NRXN3: variants seen among roughly 807,000 people sequenced by gnomAD.
NRXN3 encodes the protein neurexin III.
In NRXN3, 32 loss-of-function variants were observed where a neutral mutation model predicts 137.6. The ratio of observed to expected loss-of-function variants is 0.23; its 90% confidence interval spans 0.18 to 0.31. The LOEUF is 0.31. Among genes scored for constraint, NRXN3 ranks in the 10% least tolerant of loss-of-function variants. The pLI is 1.00. For synonymous variants in NRXN3, 798 were observed against 784.5 expected (o/e 1.02, Z -0.29); for missense variants, 1,574 against 2,062.5 (o/e 0.76, Z 4.59).
intron 15 of NRXN3, among the ~76,000 whole-genome samples, chr14:79,392,969 C>CAAAAA (rs3036678): frequency 1.8e-4 from 11 of 60,676 alleles, no homozygotes; most frequent in African/African-American, 6.5e-4. Flanking sequence ...GGCTCCATCT[C>CAAAAA]AAAAAAAAAA....
chr14:79,100,693 A>G (rs1463201424), intron 15 of NRXN3, among the ~76,000 whole-genome samples: 1 of 152,184 alleles, frequency 6.6e-6, no homozygotes, highest in Non-Finnish European at 1.5e-5. Context: ...AGGGCACCCC[A>G]TGGGACTTGA....
chr14:79,446,791 A>AT (rs1327670857), intron 15 of NRXN3, among the ~76,000 whole-genome samples: 2 of 152,132 alleles, frequency 1.3e-5, no homozygotes, highest in Non-Finnish European at 2.9e-5. Flanking sequence ...GCAGTGGACA[A>AT]TTTTTTTGTT....
intron 4 of NRXN3, among the ~76,000 whole-genome samples, chr14:78,562,441 G>C (rs1264033000): frequency 3.4e-5 from 5 of 148,848 alleles, no homozygotes; most frequent in African/African-American, 5.0e-5. Context: ...CAGTGAGGCA[G>C]CTCTGGAAAT....
intron 4 of NRXN3, among the ~76,000 whole-genome samples, chr14:78,319,751 C>T (rs532156752): frequency 2.6e-5 from 4 of 152,294 alleles, no homozygotes; most frequent in South Asian, 4.1e-4. Context: ...TCTGCAAATG[C>T]AATGTTGGTC....
At chr14:78,722,064 A>T (rs541367766) in intron 8 of NRXN3, among the ~76,000 whole-genome samples, 1 of 152,088 alleles carries the variant, frequency 6.6e-6, no homozygotes, top group Non-Finnish European at 1.5e-5. Context: ...TGAGAGTCTG[A>T]GCTACCTCTG....
intron 15 of NRXN3, among the ~76,000 whole-genome samples, chr14:78,992,217 C>A (rs2099520391): frequency 6.6e-6 from 1 of 152,096 alleles, no homozygotes; most frequent in Admixed American, 6.5e-5. Context: ...CTAATCATCC[C>A]AGAAGAAATG....
chr14:79,005,956 G>T (rs1177291786), intron 15 of NRXN3, among the ~76,000 whole-genome samples: 1 of 151,896 alleles, frequency 6.6e-6, no homozygotes, highest in African/African-American at 2.4e-5. Flanking sequence ...CTGGCTCATT[G>T]TCAACTGTGA....
At chr14:79,229,758 GTC>G (rs2071781149) in intron 15 of NRXN3, among the ~76,000 whole-genome samples, 1 of 152,080 alleles carries the variant, frequency 6.6e-6, no homozygotes, top group South Asian at 2.1e-4. Flanking sequence ...GTCCTCGTGC[GTC>G]TCTGTCTTTT....
intron 6 of NRXN3, among the ~76,000 whole-genome samples, chr14:78,708,941 T>G (rs2098383214): frequency 1.3e-5 from 2 of 152,244 alleles, no homozygotes. Context: ...GATTTTTATT[T>G]GCAAGCTTAT....
chr14:78,916,297 T>G (rs1028034162), intron 10 of NRXN3, among the ~76,000 whole-genome samples: 1 of 152,200 alleles, frequency 6.6e-6, no homozygotes, highest in Non-Finnish European at 1.5e-5. Flanking sequence ...TAATTTATGG[T>G]GCAAACTGGG....
intron 4 of NRXN3, among the ~76,000 whole-genome samples, chr14:78,566,307 G>A (rs1023785285): frequency 2.0e-5 from 3 of 152,038 alleles, no homozygotes; most frequent in Non-Finnish European, 2.9e-5. Context: ...TGTAAATGTC[G>A]CTCCTGCTGA....
chr14:79,122,246 G>A (rs1568349638), intron 15 of NRXN3, among the ~76,000 whole-genome samples: 1 of 152,154 alleles, frequency 6.6e-6, no homozygotes, highest in Non-Finnish European at 1.5e-5. Context: ...ACAGATTAAT[G>A]AGCAGCAAAC....
rs111293213 is a variant in NRXN3 at position 78,172,563 on chromosome 14, T to TTTTTG, written c.-704+1892_-704+1896dup. Among the ~76,000 whole-genome samples, 1,358 of 152,184 alleles carry TTTTTG rather than the reference T, an allele frequency of 8.9e-3. 16 individuals carry two copies. Among genetic ancestry groups the TTTTTG allele is most frequent in the African/African-American group, 0.03 (1,225 of 41,496 alleles). ...TGTGCAGATATTCCTATTGTTTGATTTTTTGTTGTTGTTGGGGAGTGGAGT... is the reference window on the plus strand; with the variant it reads ...TGTGCAGATATTCCTATTGTTTGATTTTTTGTTTTGTTGTTGTTGGGGAGTGGAGT... On this transcript the variant is annotated intron_variant, in intron 1 of 20. Transcript: ENST00000335750.
chr14:78,654,981 A>G (rs1009108553), intron 6 of NRXN3, among the ~76,000 whole-genome samples: 4 of 152,208 alleles, frequency 2.6e-5, no homozygotes, highest in Non-Finnish European at 5.9e-5. Flanking sequence ...GCTATCAGAT[A>G]TGAGAAAAAG....
At chr14:78,853,155 T>C (rs1215131762) in intron 10 of NRXN3, among the ~76,000 whole-genome samples, 1 of 152,152 alleles carries the variant, frequency 6.6e-6, no homozygotes, top group African/African-American at 2.4e-5. Context: ...GCCATGTTGG[T>C]GTGCTGCACC....
intron 15 of NRXN3, among the ~76,000 whole-genome samples, chr14:79,238,494 T>A (rs1158491177): frequency 6.6e-6 from 1 of 152,090 alleles, no homozygotes; most frequent in Non-Finnish European, 1.5e-5. Flanking sequence ...CTAATAGTTA[T>A]CACTAGTTGG....
intron 4 of NRXN3, among the ~76,000 whole-genome samples, chr14:78,363,652 G>A (rs1263757138): frequency 6.6e-6 from 1 of 152,130 alleles, no homozygotes; most frequent in Non-Finnish European, 1.5e-5. Flanking sequence ...CCCATGATAA[G>A]GTGCTATCTG....
chr14:79,434,285 C>T (rs1481943718), intron 15 of NRXN3, among the ~76,000 whole-genome samples: 1 of 152,088 alleles, frequency 6.6e-6, no homozygotes, highest in Non-Finnish European at 1.5e-5. Context: ...TGAGATTCAG[C>T]CCAGAGGCAG....
chr14:79,562,421 TAC>T (rs1434321055), intron 16 of NRXN3, among the ~76,000 whole-genome samples: 1 of 152,162 alleles, frequency 6.6e-6, no homozygotes, highest in Non-Finnish European at 1.5e-5. Context: ...ATGAAGACGA[TAC>T]TTAGATCATT....
Sources: allele counts gnomAD v4.1 joint callset (sites outside exome capture counted in the v4.1 genomes callset), GRCh38; gene constraint gnomAD v4.1.1; transcripts MANE v1.5; gene names NCBI Gene and HGNC (gene_info 2026-07-23, HGNC 2026-07-21).